Variants in LHFPL6 observed in about 807,000 individuals in gnomAD.
LHFPL6 encodes LHFPL tetraspan subfamily member 6.
Under a neutral mutation model 20.6 loss-of-function variants are expected in LHFPL6, and 9 were observed. The observed-to-expected ratio is 0.44, with a 90% CI of 0.26 to 0.76. LHFPL6 has a LOEUF of 0.76. Among genes scored for constraint, LHFPL6 ranks in the 30% least tolerant of loss-of-function variants. The probability of loss-of-function intolerance (pLI) is 0.20; values close to 1 mark genes in which losing one functional copy is unlikely to be tolerated. For missense variants in LHFPL6, 218 were observed against 253.5 expected, an observed-to-expected ratio of 0.86 and a Z score of 0.95; for synonymous variants, 105 against 98.7, an observed-to-expected ratio of 1.06 and a Z score of -0.38.
rs73460996 is a variant in LHFPL6 at position 39,449,368 on chromosome 13, A to G, written c.386-70842T>C. Among the ~76,000 whole-genome samples, 653 of 152,374 alleles carry G rather than the reference A, an allele frequency of 4.3e-3. 2 individuals carry two copies. Among genetic ancestry groups the G allele is most frequent in the African/African-American group, 0.015 (637 of 41,604 alleles). On this transcript the variant is annotated intron_variant, in intron 2 of 3. Coordinates refer to ENST00000379589, the MANE Select transcript of LHFPL6 (RefSeq NM_005780.3). ...TAAAAGGTTAGTGTTATAATAAAAA[A>G]TGTCCTCATTTGTCCTGGTCAAGGG...
chr13:39,392,830 G>A (rs906808912), intron 2 of LHFPL6, among the ~76,000 whole-genome samples: 1 of 151,656 alleles, frequency 6.6e-6, no homozygotes, highest in Non-Finnish European at 1.5e-5. Flanking sequence ...AGATATATGT[G>A]TAAAATATAT....
At chr13:39,364,620 CT>C (rs201189188) in intron 3 of LHFPL6, among the ~76,000 whole-genome samples, 1,877 of 152,208 alleles carry the variant, frequency 0.012, 45 homozygotes, top group African/African-American at 0.043. Context: ...GACCTCTGTT[CT>C]GTGGCCCGGT....
chr13:39,384,839 C>T (rs909452801), intron 2 of LHFPL6, among the ~76,000 whole-genome samples: 1 of 151,990 alleles, frequency 6.6e-6, no homozygotes, highest in African/African-American at 2.4e-5. Context: ...TTTGTCACCG[C>T]CATAAAAGAC....
chr13:39,396,214 C>T (rs1018859085), intron 2 of LHFPL6, among the ~76,000 whole-genome samples: 1 of 152,088 alleles, frequency 6.6e-6, no homozygotes, highest in Admixed American at 6.5e-5. Flanking sequence ...CACTGCTGCC[C>T]CCACCAGGAT....
At chr13:39,499,967 G>C (rs1029231324) in intron 2 of LHFPL6, among the ~76,000 whole-genome samples, 4 of 151,992 alleles carry the variant, frequency 2.6e-5, no homozygotes, top group African/African-American at 7.3e-5. Flanking sequence ...TTTTGTCCAG[G>C]ATTCTAGAAA....
intron 2 of LHFPL6, among the ~76,000 whole-genome samples, chr13:39,525,245 C>G (rs1022809): frequency 6.6e-6 from 1 of 152,062 alleles, no homozygotes; most frequent in South Asian, 2.1e-4. Context: ...TCATTACAGA[C>G]TCTAATCATG....
At chr13:39,536,567 A>G (rs1870625573) in intron 2 of LHFPL6, among the ~76,000 whole-genome samples, 1 of 152,132 alleles carries the variant, frequency 6.6e-6, no homozygotes, top group African/African-American at 2.4e-5. Context: ...TCAGAACCAC[A>G]CTGAAGTCTG....
At chr13:39,598,962 A>T (rs1019853669) in intron 2 of LHFPL6, among the ~76,000 whole-genome samples, 14 of 152,208 alleles carry the variant, frequency 9.2e-5, no homozygotes, top group Non-Finnish European at 1.8e-4. Flanking sequence ...CTTTAAAAAT[A>T]TATATAATTT....
At chr13:39,400,619 TA>T (rs1275803902) in intron 2 of LHFPL6, among the ~76,000 whole-genome samples, 8 of 150,434 alleles carry the variant, frequency 5.3e-5, no homozygotes, top group Non-Finnish European at 1.0e-4. Flanking sequence ...CCGTCTCTAC[TA>T]AAAATACAAA....
chr13:39,554,959 G>A (rs1871258862), intron 2 of LHFPL6, among the ~76,000 whole-genome samples: 1 of 152,154 alleles, frequency 6.6e-6, no homozygotes, highest in Non-Finnish European at 1.5e-5. Flanking sequence ...TTGTGGATCT[G>A]GGGTCTTAGA....
chr13:39,542,167 T>A (rs1870828706), intron 2 of LHFPL6, among the ~76,000 whole-genome samples: 2 of 151,166 alleles, frequency 1.3e-5, no homozygotes, highest in South Asian at 4.2e-4. Flanking sequence ...ACCAAAGGCA[T>A]GTGAGGGAGG....
chr13:39,396,965 A>G (rs1870858508), intron 2 of LHFPL6, among the ~76,000 whole-genome samples: 1 of 152,168 alleles, frequency 6.6e-6, no homozygotes, highest in Non-Finnish European at 1.5e-5. Context: ...CAGAGGGAGC[A>G]TGGCCCTGCC....
At chr13:39,376,018 G>C (rs1870286609) in intron 3 of LHFPL6, among the ~76,000 whole-genome samples, 2 of 152,088 alleles carry the variant, frequency 1.3e-5, no homozygotes, top group African/African-American at 4.8e-5. Context: ...ATTACCACTA[G>C]TAAAGAGGCA....
Position 39,400,388 on chromosome 13 carries a change from A to G in LHFPL6, c.386-21862T>C, listed in dbSNP as rs572441204. On this transcript the variant is annotated intron_variant, in intron 2 of 3. Transcript: ENST00000379589. ...TAGCCACATGTGGCTGGTGGCTTCC[A>G]TACTAGTCAACACAGATGGGAGACA... 1.1e-3 allele frequency among the ~76,000 whole-genome samples: 161 copies of G among 152,352 alleles called. 1 individual carries two copies. The highest frequency in any genetic ancestry group is 2.7e-3 in the East Asian group (14 of 5,184).
chr13:39,471,618 A>G (rs1260278309), intron 2 of LHFPL6, among the ~76,000 whole-genome samples: 1 of 152,212 alleles, frequency 6.6e-6, no homozygotes, highest in East Asian at 1.9e-4. Context: ...CTGATTTACC[A>G]AGAATACATA....
At chr13:39,466,430 A>G (rs540044981) in intron 2 of LHFPL6, among the ~76,000 whole-genome samples, 12 of 152,326 alleles carry the variant, frequency 7.9e-5, no homozygotes, top group Admixed American at 2.0e-4. Context: ...TGAGAAAATC[A>G]GGGATGAATA....
chr13:39,488,698 A>T (rs1313299016), intron 2 of LHFPL6, among the ~76,000 whole-genome samples: 1 of 152,238 alleles, frequency 6.6e-6, no homozygotes, highest in African/African-American at 2.4e-5. Context: ...AGCGCCTAGT[A>T]GCCAGGCTCA....
intron 3 of LHFPL6, among the ~76,000 whole-genome samples, chr13:39,371,308 T>G (rs538508359): frequency 6.6e-6 from 1 of 152,350 alleles, no homozygotes; most frequent in African/African-American, 2.4e-5. Context: ...AGGATATAAT[T>G]AGAAAAGTCT....
intron 2 of LHFPL6, among the ~76,000 whole-genome samples, chr13:39,532,761 T>C (rs754295412): frequency 3.3e-5 from 5 of 152,150 alleles, no homozygotes; most frequent in Non-Finnish European, 7.4e-5. Flanking sequence ...ACACTAGGAT[T>C]CCACAAAACA....
Sources: gnomAD v4.1 joint callset for allele counts (sites outside exome capture counted in the v4.1 genomes callset) on GRCh38, gnomAD v4.1.1 for gene constraint, MANE v1.5 for transcripts, NCBI Gene and HGNC (gene_info 2026-07-23, HGNC 2026-07-21) for gene names.